The following PARD3 variants were observed in gnomAD, a reference collection of about 807,000 sequenced individuals.
PARD3 encodes partitioning defective 3 homolog.
Under a neutral mutation model 155.4 loss-of-function variants are expected in PARD3, and 75 were observed. That is an observed-to-expected ratio of 0.48 (90% CI 0.40 to 0.58). The LOEUF is 0.58. Ranked by LOEUF, PARD3 falls within the 20% of genes least tolerant of loss-of-function variation. PARD3 has a pLI of 0.00. For missense variants in PARD3, 1,642 were observed against 1,721.7 expected (o/e 0.95, Z 0.82); for synonymous variants, 576 against 610.5 (o/e 0.94, Z 0.83).
At chr10:34,654,972 A>G (rs2093124264) in intron 2 of PARD3, among the ~76,000 whole-genome samples, 1 of 152,084 alleles carries the variant, frequency 6.6e-6, no homozygotes, top group South Asian at 2.1e-4. Context: ...TCTTGTTACG[A>G]AAACGGACGT....
At chr10:34,757,570 G>A (rs148736460) in intron 1 of PARD3, among the ~76,000 whole-genome samples, 2 of 152,176 alleles carry the variant, frequency 1.3e-5, no homozygotes, top group East Asian at 3.9e-4. Context: ...AATTAGCCAG[G>A]CACGGTGGCT....
chr10:34,293,742 C>A (rs1956779205), intron 20 of PARD3, among the ~76,000 whole-genome samples: 1 of 152,204 alleles, frequency 6.6e-6, no homozygotes, highest in Admixed American at 6.5e-5. Flanking sequence ...AATACTATCA[C>A]TGCTGCCTTT....
chr10:34,392,860 A>C (rs1842971347), intron 7 of PARD3, among the ~76,000 whole-genome samples: 1 of 152,186 alleles, frequency 6.6e-6, no homozygotes, highest in Admixed American at 6.5e-5. Flanking sequence ...GAAGTTTTAG[A>C]CATGAAAAAT....
Position 34,428,773 on chromosome 10 carries a change from T to C in PARD3, c.714+21544A>G, listed in dbSNP as rs114044457. On this transcript the variant is annotated intron_variant, in intron 5 of 24. Coordinates refer to ENST00000374788, the MANE Select transcript of PARD3 (RefSeq NM_001184785.2). ...GAGACTGTAAGAACTATTTTTTTCCTACATTATAAACTAAAGGAAATCATG... is the reference window on the plus strand; with the variant it reads ...GAGACTGTAAGAACTATTTTTTTCCCACATTATAAACTAAAGGAAATCATG... Among the ~76,000 whole-genome samples the C allele has an allele frequency of 6.3e-3, 954 of 152,294 alleles. 8 individuals carry two copies. Among genetic ancestry groups the C allele is most frequent in the African/African-American group, 0.022 (907 of 41,554 alleles).
chr10:34,791,384 G>A (rs1421062389), intron 1 of PARD3, among the ~76,000 whole-genome samples: 3 of 152,146 alleles, frequency 2.0e-5, no homozygotes, highest in African/African-American at 7.2e-5. Flanking sequence ...ATCCCACTGT[G>A]GGCAGCGTCA....
At chr10:34,533,299 T>C (rs1051719600) in intron 2 of PARD3, among the ~76,000 whole-genome samples, 5 of 152,132 alleles carry the variant, frequency 3.3e-5, no homozygotes, top group Non-Finnish European at 7.4e-5. Flanking sequence ...GAAAAGGACA[T>C]GCGCTGAAGA....
chr10:34,393,101 T>C (rs931800677), intron 7 of PARD3, among the ~76,000 whole-genome samples: 3 of 149,826 alleles, frequency 2.0e-5, no homozygotes, highest in Non-Finnish European at 3.0e-5. Context: ...GAATCTTTGA[T>C]CTGAGATATC....
In PARD3 at chr10:34,461,187, T is replaced by C. The variant is rs530847133; in HGVS notation, c.582+8898A>G. On this transcript the variant is annotated intron_variant, in intron 4 of 24. Coordinates refer to ENST00000374788, the MANE Select transcript of PARD3 (RefSeq NM_001184785.2). ...TTAGAATGCAAACAGGTGCTCCAGT[T>C]GCAGCAATCCATCTGATACTCTTCT... Among the ~76,000 whole-genome samples the C allele has an allele frequency of 6.9e-4, 105 of 152,328 alleles. 1 individual carries two copies. In the South Asian group the frequency reaches 7.9e-3, roughly 11 times the overall value.
chr10:34,613,582 T>C (rs1290718721), intron 2 of PARD3, among the ~76,000 whole-genome samples: 2 of 152,200 alleles, frequency 1.3e-5, no homozygotes, highest in Non-Finnish European at 2.9e-5. Flanking sequence ...CCTCACAGCA[T>C]AGCCCCACAC....
intron 1 of PARD3, among the ~76,000 whole-genome samples, chr10:34,732,598 T>G (rs1316032708): frequency 1.3e-5 from 2 of 152,064 alleles, no homozygotes; most frequent in East Asian, 3.9e-4. Flanking sequence ...TTTGGGAGGC[T>G]GAGGCGGGAG....
At chr10:34,694,226 C>T (rs566151616) in intron 2 of PARD3, among the ~76,000 whole-genome samples, 47 of 151,752 alleles carry the variant, frequency 3.1e-4, no homozygotes, top group African/African-American at 1.1e-3. Flanking sequence ...AAGATTGATA[C>T]GTTAATTCAT....
chr10:34,414,378 T>C (rs1845442010), intron 5 of PARD3, among the ~76,000 whole-genome samples: 2 of 152,054 alleles, frequency 1.3e-5, no homozygotes, highest in African/African-American at 4.8e-5. Flanking sequence ...ACCCATGACA[T>C]TGCTAGCCAT....
At chr10:34,280,670 G>A (rs1443537573) in intron 21 of PARD3, among the ~76,000 whole-genome samples, 1 of 152,112 alleles carries the variant, frequency 6.6e-6, no homozygotes, top group Non-Finnish European at 1.5e-5. Flanking sequence ...GCCAGTTAGA[G>A]GAGTAAGCTG....
chr10:34,562,612 T>TA (rs1240833571), intron 2 of PARD3, among the ~76,000 whole-genome samples: 3 of 152,186 alleles, frequency 2.0e-5, no homozygotes, highest in Admixed American at 2.0e-4. Context: ...TTTATTTTCT[T>TA]AGTCTATCAT....
At chr10:34,654,677 C>A (rs1012048935) in intron 2 of PARD3, among the ~76,000 whole-genome samples, 1 of 152,212 alleles carries the variant, frequency 6.6e-6, no homozygotes, top group Non-Finnish European at 1.5e-5. Context: ...TCACAAGATG[C>A]TCCAAGTTCA....
At chr10:34,398,824 G>A (rs1337016700) in intron 7 of PARD3, among the ~76,000 whole-genome samples, 1 of 152,000 alleles carries the variant, frequency 6.6e-6, no homozygotes, top group East Asian at 1.9e-4. Flanking sequence ...TTAGACTCAA[G>A]GTTCAGAAAT....
At chr10:34,484,727 C>T (rs1198668699) in intron 3 of PARD3, among the ~76,000 whole-genome samples, 2 of 152,202 alleles carry the variant, frequency 1.3e-5, no homozygotes, top group African/African-American at 4.8e-5. Flanking sequence ...CATAAGTACA[C>T]AGCACTACAG....
At chr10:34,216,217 T>C (rs1424917496) in intron 22 of PARD3, among the ~76,000 whole-genome samples, 1 of 152,200 alleles carries the variant, frequency 6.6e-6, no homozygotes, top group East Asian at 1.9e-4. Context: ...TTAGGAAACA[T>C]GCACAAAATT....
intron 17 of PARD3, among the ~76,000 whole-genome samples, chr10:34,337,031 G>A (rs1836268079): frequency 6.6e-6 from 1 of 152,118 alleles, no homozygotes; most frequent in Admixed American, 6.6e-5. Flanking sequence ...ATATGCATAT[G>A]TGTTTGTTTC....
Sources: allele counts gnomAD v4.1 joint callset (sites outside exome capture counted in the v4.1 genomes callset), GRCh38; gene constraint gnomAD v4.1.1; transcripts MANE v1.5; gene names NCBI Gene and HGNC (gene_info 2026-07-23, HGNC 2026-07-21).